TTC8: variants seen among roughly 807,000 people sequenced by gnomAD.
The protein encoded by TTC8 is tetratricopeptide repeat protein 8.
In TTC8, 47 loss-of-function variants were observed where a neutral mutation model predicts 72.5. The observed-to-expected ratio is 0.65, with a 90% CI of 0.51 to 0.83. TTC8 has a LOEUF of 0.83. TTC8 is among the 40% of genes least tolerant of loss of function. The pLI is 0.00. For synonymous variants in TTC8, 199 were observed against 221.4 expected, an observed-to-expected ratio of 0.90 and a Z score of 0.90; for missense variants, 611 against 623.2, an observed-to-expected ratio of 0.98 and a Z score of 0.21.
At chr14:88,867,207 C>T (rs750130482) in intron 10 of TTC8, among the ~76,000 whole-genome samples, 37 of 152,068 alleles carry the variant, frequency 2.4e-4, no homozygotes, top group Admixed American at 6.6e-4. Flanking sequence ...AGGATATTTT[C>T]ATACAAGTGC....
In TTC8 at chr14:88,877,547, A is replaced by G. The variant is rs1268681549; in HGVS notation, c.*137A>G. The G allele has an allele frequency of 1.1e-5, 8 of 729,240 alleles. No individual in the cohort carries two copies. Among genetic ancestry groups the G allele is most frequent in the African/African-American group, 3.5e-5 (2 of 57,660 alleles). The allele number at this position is 729,240 out of a possible 1,614,324, so 45.2% of individuals were successfully genotyped here. On this transcript the variant is annotated 3_prime_UTR_variant, in exon 15 of 15. Transcript: ENST00000380656. ...TCCTTGATATTAGTTAAGGTGACACATAAGGGTGACACAGAATGTGTAATG... is the reference window on the plus strand; with the variant it reads ...TCCTTGATATTAGTTAAGGTGACACGTAAGGGTGACACAGAATGTGTAATG...
intron 8 of TTC8, among the ~76,000 whole-genome samples, chr14:88,856,813 C>T (rs1462257845): frequency 1.4e-4 from 21 of 152,198 alleles, no homozygotes; most frequent in Admixed American, 1.3e-3. Flanking sequence ...AAATAAATGT[C>T]ATCCTTCAGC....
At chr14:88,846,874 TTATCG>T (rs2094809245) in intron 7 of TTC8, 1 of 366,242 alleles carries the variant, frequency 2.7e-6, no homozygotes. Context: ...AAGTGAAATC[TTATCG>T]AGACCCTAAT....
chr14:88,860,038 A>G, intron 9 of TTC8, among the ~76,000 whole-genome samples: 1 of 148,228 alleles, frequency 6.7e-6, no homozygotes, highest in East Asian at 2.0e-4. Context: ...AGATTTTAGG[A>G]ACATTGCTTT....
chr14:88,833,050 G>A (rs942891271), intron 1 of TTC8, among the ~76,000 whole-genome samples: 1 of 152,138 alleles, frequency 6.6e-6, no homozygotes, highest in Admixed American at 6.5e-5. Context: ...AATATTTGAG[G>A]TGTTCTTTTT....
At chr14:88,824,642 C>T, upstream of TTC8, 2 of 1,378,714 alleles carry the variant, frequency 1.5e-6, no homozygotes, top group Non-Finnish European at 2.0e-6. Context: ...CGGACGCCGC[C>T]AGCTCTTCAC....
At chr14:88,878,313 T>G (rs1400793706), downstream of TTC8, 2 of 152,184 alleles carry the variant, frequency 1.3e-5, no homozygotes, top group East Asian at 3.8e-4. Flanking sequence ...AGTGGAACTC[T>G]TATTAAAGTG....
At position 88,875,125 on chromosome 14, in the gene TTC8, ATTAAT is replaced by A. The variant is rs766127051; in HGVS notation, c.1431+20_1431+24del. On this transcript the variant is annotated intron_variant, in intron 14 of 14. Coordinates refer to ENST00000380656, the MANE Select transcript of TTC8 (RefSeq NM_144596.4). ...CTCTGATAAGGTATTCTCTTTCTTCATTAATTTATCATCTGATCTGTTCTTTTTTT... is the reference window on the plus strand; with the variant it reads ...CTCTGATAAGGTATTCTCTTTCTTCATTATCATCTGATCTGTTCTTTTTTT... 9 of 1,591,812 alleles carry A rather than the reference ATTAAT, an allele frequency of 5.7e-6. No homozygotes were observed. Among genetic ancestry groups the A allele is most frequent in the Admixed American group, 3.3e-5 (2 of 59,926 alleles).
intron 1 of TTC8, among the ~76,000 whole-genome samples, chr14:88,826,565 G>A (rs774772814): frequency 1.3e-5 from 2 of 151,846 alleles, no homozygotes; most frequent in African/African-American, 2.4e-5. Context: ...TTAGCCGGGC[G>A]TGTTGGCGGG....
chr14:88,870,777 A>G (rs1334046878), intron 11 of TTC8, among the ~76,000 whole-genome samples: 1 of 152,230 alleles, frequency 6.6e-6, no homozygotes, highest in Non-Finnish European at 1.5e-5. Context: ...TGGGTAATAT[A>G]GAAAGAGATG....
chr14:88,848,300 G>C (rs1263076609), intron 7 of TTC8, among the ~76,000 whole-genome samples: 1 of 151,890 alleles, frequency 6.6e-6, no homozygotes, highest in African/African-American at 2.4e-5. Flanking sequence ...TTTGGACTTT[G>C]AGTTTTATAT....
intron 1 of TTC8, chr14:88,830,940 T>C: frequency 2.2e-6 from 1 of 455,958 alleles, no homozygotes; most frequent in South Asian, 1.5e-5. Context: ...CCTACGGTAG[T>C]CTGTGTTCCA....
intron 7 of TTC8, among the ~76,000 whole-genome samples, chr14:88,846,430 C>G (rs1320700930): frequency 6.6e-6 from 1 of 152,088 alleles, no homozygotes; most frequent in African/African-American, 2.4e-5. Flanking sequence ...AGAGCTTTAA[C>G]TGTAAAGGTC....
At chr14:88,837,879 TG>T (rs1425919654) in intron 2 of TTC8, among the ~76,000 whole-genome samples, 1 of 152,194 alleles carries the variant, frequency 6.6e-6, no homozygotes, top group African/African-American at 2.4e-5. Context: ...CAATAGGAAT[TG>T]TTTTTTTTTA....
Position 88,853,053 on chromosome 14 carries a change from A to G in TTC8, c.707A>G (p.Tyr236Cys). The G allele has an allele frequency of 1.9e-6, 3 of 1,611,364 alleles. No individual in the cohort carries two copies. The highest frequency in any genetic ancestry group is 1.7e-6 in the Non-Finnish European group (2 of 1,177,812). Residue 236 changes from tyrosine to cysteine, a missense_variant, in exon 8 of 15, where the codon TAC becomes TGC. Physicochemically the swap from Tyr to Cys is radical, Grantham distance 194 (BLOSUM62 -2). Transcript: ENST00000380656. ...WWKVQIGKCY[Y>C]RLGMYREAEK... ...AAAGTACAGATTGGAAAATGTTACT[A>G]CAGGTAAATTTCATTATTTGTGAAG...
At position 88,835,114 on chromosome 14, in the gene TTC8, A is replaced by G. The variant is rs140901620; in HGVS notation, c.144+1392A>G. Among the ~76,000 whole-genome samples the G allele has an allele frequency of 3.6e-3, 551 of 152,342 alleles. 1 individual carries two copies. The highest frequency in any genetic ancestry group is 5.1e-3 in the Non-Finnish European group (344 of 68,020). On this transcript the variant is annotated intron_variant, in intron 2 of 14. Transcript: ENST00000380656. ...AAGTTTTCATTTTCATAGAGTAGGCAGAGTGGCCATAGTTACTGAGTCTTA... is the reference window on the plus strand; with the variant it reads ...AAGTTTTCATTTTCATAGAGTAGGCGGAGTGGCCATAGTTACTGAGTCTTA...
At chr14:88,858,555 T>G (rs926276280) in intron 9 of TTC8, among the ~76,000 whole-genome samples, 4 of 152,076 alleles carry the variant, frequency 2.6e-5, no homozygotes, top group Admixed American at 6.6e-5. Flanking sequence ...AACTATCTGG[T>G]ATCTAACTTT....
At chr14:88,840,602 C>G (rs1301059401) in intron 3 of TTC8, among the ~76,000 whole-genome samples, 1 of 152,054 alleles carries the variant, frequency 6.6e-6, no homozygotes, top group Non-Finnish European at 1.5e-5. Context: ...ATAGGTTGAC[C>G]TGTTTACTTA....
chr14:88,851,059 G>A (rs551244009), intron 7 of TTC8, among the ~76,000 whole-genome samples: 2 of 152,296 alleles, frequency 1.3e-5, no homozygotes, highest in African/African-American at 4.8e-5. Flanking sequence ...AAGACTTGAA[G>A]TCAGTACATA....
Sources: allele counts gnomAD v4.1 joint callset (sites outside exome capture counted in the v4.1 genomes callset), GRCh38; gene constraint gnomAD v4.1.1; transcripts MANE v1.5; gene names NCBI Gene and HGNC (gene_info 2026-07-23, HGNC 2026-07-21).